SH3GL2: variants seen among roughly 807,000 people sequenced by gnomAD.
SH3GL2 encodes the protein endophilin-A1.
A neutral mutation model predicts 46.0 loss-of-function variants in SH3GL2; 24 were observed. The observed-to-expected ratio is 0.52, with a 90% CI of 0.38 to 0.73. SH3GL2 has a LOEUF of 0.73. Ranked by LOEUF, SH3GL2 falls within the 30% of genes least tolerant of loss-of-function variation. The probability of loss-of-function intolerance (pLI) is 0.00; values close to 1 mark genes in which losing one functional copy is unlikely to be tolerated. For missense variants in SH3GL2, 413 were observed against 424.2 expected, an observed-to-expected ratio of 0.97 and a Z score of 0.23; for synonymous variants, 196 against 147.1, an observed-to-expected ratio of 1.33 and a Z score of -2.40.
At chr9:17,661,202 C>T (rs1040348764) in intron 1 of SH3GL2, among the ~76,000 whole-genome samples, 1 of 151,992 alleles carries the variant, frequency 6.6e-6, no homozygotes, top group African/African-American at 2.4e-5. Context: ...TAATGTTCAG[C>T]GTTGTTGGTT....
At chr9:17,710,831 T>C (rs1821601598) in intron 1 of SH3GL2, among the ~76,000 whole-genome samples, 2 of 151,952 alleles carry the variant, frequency 1.3e-5, no homozygotes, top group Admixed American at 1.3e-4. Flanking sequence ...TCTCCTCTTA[T>C]CTGCAAGGGG....
At chr9:17,786,628 GT>G in intron 4 of SH3GL2, 104 bp downstream of exon 4, 1 of 1,290,402 alleles carries the variant, frequency 7.7e-7, no homozygotes, top group Non-Finnish European at 1.1e-6. Context: ...TTATATTTTG[GT>G]TTTCAGTTTT....
chr9:17,626,626 A>G (rs1483374354), intron 1 of SH3GL2, among the ~76,000 whole-genome samples: 1 of 152,214 alleles, frequency 6.6e-6, no homozygotes, highest in Non-Finnish European at 1.5e-5. Context: ...GCCATTGAAT[A>G]AGGAATGTGT....
chr9:17,711,383 A>G (rs558150730), intron 1 of SH3GL2, among the ~76,000 whole-genome samples: 2 of 151,978 alleles, frequency 1.3e-5, no homozygotes, highest in Admixed American at 1.3e-4. Context: ...ACATATATAT[A>G]CATCTGTGAA....
chr9:17,761,723 T>A (rs1451132170), intron 3 of SH3GL2, among the ~76,000 whole-genome samples: 1 of 152,216 alleles, frequency 6.6e-6, no homozygotes, highest in Admixed American at 6.5e-5. Context: ...TGTGGTATTT[T>A]ATCTGACTGT....
At chr9:17,698,230 T>A (rs2118181715) in intron 1 of SH3GL2, among the ~76,000 whole-genome samples, 1 of 152,326 alleles carries the variant, frequency 6.6e-6, no homozygotes, top group Non-Finnish European at 1.5e-5. Flanking sequence ...TCTTAAGGCC[T>A]CCAGGCTTCA....
At chr9:17,592,127 G>C (rs1019410582) in intron 1 of SH3GL2, among the ~76,000 whole-genome samples, 5 of 152,278 alleles carry the variant, frequency 3.3e-5, no homozygotes, top group South Asian at 4.1e-4. Flanking sequence ...CTGAGGCCCC[G>C]GGGAGCTGCT....
intron 1 of SH3GL2, among the ~76,000 whole-genome samples, chr9:17,673,067 T>C (rs1049128690): frequency 6.6e-6 from 1 of 152,124 alleles, no homozygotes. Context: ...TTTGCCATGG[T>C]CTGTCAATTC....
At chr9:17,793,558 C>G in intron 8 of SH3GL2, 61 bp downstream of exon 8, 4 of 1,551,346 alleles carry the variant, frequency 2.6e-6, no homozygotes, top group Non-Finnish European at 3.5e-6. Flanking sequence ...GGCACTCTTC[C>G]AGAAATTTTA....
At chr9:17,667,486 T>G (rs1044934409) in intron 1 of SH3GL2, among the ~76,000 whole-genome samples, 2 of 152,192 alleles carry the variant, frequency 1.3e-5, no homozygotes, top group Admixed American at 1.3e-4. Flanking sequence ...CATATATGAA[T>G]ATGTTACAGA....
In SH3GL2 at chr9:17,757,298, A is replaced by T. The variant is rs554222541; in HGVS notation, c.115-4139A>T. Among the ~76,000 whole-genome samples, 14 of 152,352 alleles carry T rather than the reference A, an allele frequency of 9.2e-5. No individual in the cohort carries two copies. The South Asian group carries it at 2.3e-3, about 25-fold the overall frequency. On this transcript the variant is annotated intron_variant, in intron 2 of 8. Coordinates refer to ENST00000380607, the MANE Select transcript of SH3GL2 (RefSeq NM_003026.5). ...CAAAAGCAATGGCAACAAAAGCCAA[A>T]ATTGACAAATGGGATCTAATTAAAC...
intron 1 of SH3GL2, among the ~76,000 whole-genome samples, chr9:17,651,575 C>T (rs1819960524): frequency 6.6e-6 from 1 of 152,052 alleles, no homozygotes; most frequent in South Asian, 2.1e-4. Context: ...GTAGTTAGTT[C>T]TCCATTACCT....
chr9:17,652,648 A>G (rs1408148277), intron 1 of SH3GL2, among the ~76,000 whole-genome samples: 3 of 152,172 alleles, frequency 2.0e-5, no homozygotes, highest in African/African-American at 7.2e-5. Context: ...AAAATCCAGA[A>G]TGCTCTGAAA....
rs773215753 is a variant in SH3GL2, at chr9:17,793,468, T to C, written c.830T>C (p.Leu277Pro). The C allele has an allele frequency of 2.5e-6, 4 of 1,612,642 alleles. No individual in the cohort carries two copies. The South Asian group carries it at 3.3e-5, about 13-fold the overall frequency. ...GACAGTACTCAGCCCAATGGGGGTCTCTCCCACACAGGCACTCCCAAACCT... is the reference window on the plus strand; with the variant it reads ...GACAGTACTCAGCCCAATGGGGGTCCCTCCCACACAGGCACTCCCAAACCT... ...TGDSTQPNGG[L>P]SHTGTPKPSG... The change falls in exon 8 of 9, where the codon CTC becomes CCC. Residue 277 changes from leucine (L) to proline (P), a missense_variant. This residue lies in a region of SH3GL2 where 248 missense variants were observed against 215.0 expected (regional missense o/e 1.15). Coordinates refer to ENST00000380607, the MANE Select transcript of SH3GL2 (RefSeq NM_003026.5).
intron 1 of SH3GL2, among the ~76,000 whole-genome samples, chr9:17,688,582 A>G (rs1008051747): frequency 6.6e-6 from 1 of 151,942 alleles, no homozygotes; most frequent in Admixed American, 6.6e-5. Flanking sequence ...GGCTGATTCT[A>G]GTATGGGGGC....
intron 1 of SH3GL2, among the ~76,000 whole-genome samples, chr9:17,705,864 C>G (rs1488090430): frequency 6.6e-6 from 1 of 151,934 alleles, no homozygotes; most frequent in Non-Finnish European, 1.5e-5. Context: ...TGCCTATCAC[C>G]TGGGTAACAA....
At position 17,711,130 on chromosome 9, in the gene SH3GL2, T is replaced by C. The variant is rs1821609969; in HGVS notation, c.46-35936T>C. On this transcript the variant is annotated intron_variant, in intron 1 of 8. Transcript: ENST00000380607. Reference sequence around the variant, plus strand: ...CCTGAGGAATAAATTGGCTAACTCATGTAAGGTGCTTCAAAGGATGCCTGA... The same window carrying C: ...CCTGAGGAATAAATTGGCTAACTCACGTAAGGTGCTTCAAAGGATGCCTGA... Among the ~76,000 whole-genome samples the C allele has an allele frequency of 3.3e-5, 5 of 151,980 alleles. No individual in the cohort carries two copies. In the South Asian group the frequency reaches 1.0e-3, roughly 31 times the overall value.
intron 1 of SH3GL2, among the ~76,000 whole-genome samples, chr9:17,683,942 T>A (rs908169407): frequency 1.3e-5 from 2 of 152,026 alleles, no homozygotes; most frequent in Non-Finnish European, 2.9e-5. Flanking sequence ...TCCCCACACT[T>A]AAGATTAGCA....
chr9:17,597,832 C>T (rs1022521755), intron 1 of SH3GL2, among the ~76,000 whole-genome samples: 14 of 152,182 alleles, frequency 9.2e-5, no homozygotes, highest in African/African-American at 3.4e-4. Context: ...GGCCTCTCCA[C>T]CCTGATTGAG....
Sources: gnomAD v4.1 joint callset for allele counts (sites outside exome capture counted in the v4.1 genomes callset) on GRCh38, gnomAD v4.1.1 for gene constraint, gnomAD v4.1.1 regional missense constraint, MANE v1.5 for transcripts, NCBI Gene and HGNC (gene_info 2026-07-23, HGNC 2026-07-21) for gene names.